The following TXLNB variants were observed in gnomAD, a reference collection of about 807,000 sequenced individuals.
TXLNB encodes taxilin beta, also known as beta-taxilin.
Under a neutral mutation model 57.4 loss-of-function variants are expected in TXLNB, and 37 were observed. The observed-to-expected ratio is 0.64, with a 90% confidence interval of 0.50 to 0.85. The LOEUF is 0.85. Among genes scored for constraint, TXLNB ranks in the 40% least tolerant of loss-of-function variants. The pLI is 0.00. For synonymous variants in TXLNB, 302 were observed against 309.6 expected, an observed-to-expected ratio of 0.98 and a Z score of 0.26; for missense variants, 848 against 825.6, an observed-to-expected ratio of 1.03 and a Z score of -0.33.
chr6:139,322,641 C>G, the TXLNB span, among the ~76,000 whole-genome samples: 1 of 152,126 alleles, frequency 6.6e-6, no homozygotes, highest in Non-Finnish European at 1.5e-5. Context: ...CACAAAAGTC[C>G]CATTAGTTCT....
the TXLNB span, among the ~76,000 whole-genome samples, chr6:139,176,182 T>C: frequency 6.6e-6 from 1 of 152,208 alleles, no homozygotes; most frequent in Admixed American, 6.5e-5. This position sits in a 1 kb window ranked among gnomAD's most constrained non-coding sequence, Gnocchi z 4.5. Flanking sequence ...GCTGCTTTGG[T>C]TCACTCCAGC....
intron 7 of TXLNB, chr6:139,255,331 C>G (rs1776307726): frequency 1.8e-6 from 1 of 557,162 alleles, no homozygotes; most frequent in African/African-American, 1.9e-5. Context: ...TGTCTGTCAA[C>G]AAACCTTTGA....
intron 7 of TXLNB, among the ~76,000 whole-genome samples, chr6:139,251,786 A>G (rs902599550): frequency 6.6e-6 from 1 of 152,272 alleles, no homozygotes; most frequent in African/African-American, 2.4e-5. Flanking sequence ...AACTGTGTCC[A>G]GGAATCATCT....
At chr6:139,169,635 TA>T in the TXLNB span, 1 of 152,196 alleles carries the variant, frequency 6.6e-6, no homozygotes, top group Admixed American at 6.5e-5. Context: ...GGTGGATTGT[TA>T]GGTTGGCTTA....
At chr6:139,193,329 T>C in the TXLNB span, among the ~76,000 whole-genome samples, 613 of 147,764 alleles carry the variant, frequency 4.1e-3, 2 homozygotes, top group Middle Eastern at 0.014. Context: ...GACTCCTAAA[T>C]TGATATATCT....
chr6:139,296,891 GCAAA>G (rs141049341), upstream of TXLNB, among the ~76,000 whole-genome samples: 17,984 of 151,878 alleles, frequency 0.12, 1,193 homozygotes, highest in African/African-American at 0.18. Flanking sequence ...ATCTCTGAAA[GCAAA>G]CAAACAAACA....
At chr6:139,268,630 G>A (rs935866556) in intron 4 of TXLNB, among the ~76,000 whole-genome samples, 1 of 152,180 alleles carries the variant, frequency 6.6e-6, no homozygotes, top group African/African-American at 2.4e-5. Flanking sequence ...CAACCAATTT[G>A]GATTGCTGAG....
the TXLNB span, among the ~76,000 whole-genome samples, chr6:139,229,398 C>T: frequency 6.6e-6 from 1 of 152,146 alleles, no homozygotes; most frequent in Non-Finnish European, 1.5e-5. Context: ...TCTTGGTTTA[C>T]TGCAAACTCC....
chr6:139,281,600 G>C (rs1175835943), intron 2 of TXLNB, among the ~76,000 whole-genome samples: 2 of 94,066 alleles, frequency 2.1e-5, no homozygotes, highest in Admixed American at 9.9e-5. Flanking sequence ...CCAGGCTGGA[G>C]TGCAGTGGCG....
chr6:139,184,964 T>G, the TXLNB span, among the ~76,000 whole-genome samples: 2 of 152,306 alleles, frequency 1.3e-5, no homozygotes, highest in Admixed American at 1.3e-4. Flanking sequence ...TGCCAAACCA[T>G]TGGTTGAATA....
chr6:139,278,659 AAC>A (rs934901617), intron 2 of TXLNB, among the ~76,000 whole-genome samples: 43 of 152,348 alleles, frequency 2.8e-4, no homozygotes, highest in African/African-American at 8.7e-4. Context: ...CCCAGGATGC[AAC>A]ACAGTGTTTG....
At chr6:139,318,284 A>AAG in the TXLNB span, among the ~76,000 whole-genome samples, 2 of 151,082 alleles carry the variant, frequency 1.3e-5, no homozygotes, top group Non-Finnish European at 3.0e-5. Context: ...AAAAAAAAAA[A>AAG]AAAAGAAAAG....
At position 139,245,218 on chromosome 6, in the gene TXLNB, A is replaced by T. The variant is rs564027258; in HGVS notation, c.1171-528T>A. ...GCATTATTTGTTTCATCCTTGAAACAGTCCCACAAGGAAGGTTCTATTTTC... is the reference window on the plus strand; with the variant it reads ...GCATTATTTGTTTCATCCTTGAAACTGTCCCACAAGGAAGGTTCTATTTTC... On this transcript the variant is annotated intron_variant, in intron 8 of 9. Transcript: ENST00000358430. 2.3e-3 allele frequency among the ~76,000 whole-genome samples: 350 copies of T among 152,360 alleles called. 1 individual carries two copies. Among genetic ancestry groups the T allele is most frequent in the Non-Finnish European group, 3.6e-3 (247 of 68,036 alleles).
chr6:139,190,745 C>G, the TXLNB span, among the ~76,000 whole-genome samples: 5 of 152,142 alleles, frequency 3.3e-5, no homozygotes, highest in Non-Finnish European at 7.3e-5. Context: ...AATGACCTCC[C>G]AAAAGGCCCC....
chr6:139,228,526 C>CAAAA, the TXLNB span, among the ~76,000 whole-genome samples: 77 of 44,272 alleles, frequency 1.7e-3, no homozygotes, highest in African/African-American at 5.1e-3. Context: ...AACTCCATCT[C>CAAAA]AAAAAAAAAA....
chr6:139,177,305 C>T, the TXLNB span: 1 of 448,032 alleles, frequency 2.2e-6, no homozygotes, highest in African/African-American at 2.0e-5. This position sits in a 1 kb window ranked among gnomAD's most constrained non-coding sequence, Gnocchi z 4.9. Flanking sequence ...GACCAGAGCC[C>T]AGATGGGTAA....
chr6:139,309,628 T>C, the TXLNB span, among the ~76,000 whole-genome samples: 45,499 of 151,840 alleles, frequency 0.3, 7,010 homozygotes, highest in South Asian at 0.4. Flanking sequence ...AGTCTCGACA[T>C]GAAAATACAA....
the TXLNB span, among the ~76,000 whole-genome samples, chr6:139,297,357 G>C: frequency 4.6e-5 from 7 of 152,096 alleles, no homozygotes; most frequent in Non-Finnish European, 7.4e-5. Flanking sequence ...CAAATAAAAA[G>C]CATCAGCATT....
chr6:139,317,013 G>T, the TXLNB span, among the ~76,000 whole-genome samples: 7 of 152,282 alleles, frequency 4.6e-5, no homozygotes, highest in Non-Finnish European at 1.0e-4. Context: ...TTCCCTCGGG[G>T]AATCTGATTA....
Sources: gnomAD v4.1 joint callset for allele counts (sites outside exome capture counted in the v4.1 genomes callset) on GRCh38, gnomAD v4.1.1 for gene constraint, Gnocchi (gnomAD v3.1) non-coding constraint, MANE v1.5 for transcripts, NCBI Gene and HGNC (gene_info 2026-07-23, HGNC 2026-07-21) for gene names.